The following ADGRA3 variants were observed in gnomAD, a reference collection of about 807,000 sequenced individuals.
The protein encoded by ADGRA3 is G-protein coupled receptor 125.
In ADGRA3, 56 loss-of-function variants were observed where a neutral mutation model predicts 119.8. The observed-to-expected ratio is 0.47, with a 90% CI of 0.38 to 0.58. The LOEUF is 0.58. Ranked by LOEUF, ADGRA3 falls within the 20% of genes least tolerant of loss-of-function variation. The probability of loss-of-function intolerance (pLI) is 0.00; values close to 1 mark genes in which losing one functional copy is unlikely to be tolerated. For synonymous variants in ADGRA3, 607 were observed against 623.8 expected, an observed-to-expected ratio of 0.97 and a Z score of 0.40; for missense variants, 1,516 against 1,649.0, an observed-to-expected ratio of 0.92 and a Z score of 1.40.
chr4:22,445,509 T>C (rs1433831144), intron 5 of ADGRA3, among the ~76,000 whole-genome samples: 1 of 152,160 alleles, frequency 6.6e-6, no homozygotes, highest in Non-Finnish European at 1.5e-5. Context: ...TAATATTGAA[T>C]CTTGAAGCCA....
chr4:22,418,788 A>T (rs1004077793), intron 12 of ADGRA3, among the ~76,000 whole-genome samples: 1 of 152,120 alleles, frequency 6.6e-6, no homozygotes, highest in South Asian at 2.1e-4. Context: ...AGGCTCCCAG[A>T]GGCCTCCTGT....
chr4:22,506,056 T>C (rs1041195619), intron 1 of ADGRA3, among the ~76,000 whole-genome samples: 4 of 152,104 alleles, frequency 2.6e-5, no homozygotes, highest in African/African-American at 9.7e-5. Context: ...GGCCAGCCCA[T>C]ACTGTATGCA....
intron 1 of ADGRA3, among the ~76,000 whole-genome samples, chr4:22,490,285 T>A (rs1225720078): frequency 6.6e-6 from 1 of 152,188 alleles, no homozygotes; most frequent in Non-Finnish European, 1.5e-5. Context: ...CCTTATCTTA[T>A]GAACACATTA....
Position 22,515,530 on chromosome 4 carries a change from G to A in ADGRA3, c.255C>T (p.Thr85=). The A allele has an allele frequency of 2.5e-6, 4 of 1,606,012 alleles. No individual in the cohort carries two copies. Among genetic ancestry groups the A allele is most frequent in the East Asian group, 2.3e-5 (1 of 43,826 alleles). ...PPDTLPNRTV[T]LILSNNKISE... Reference sequence around the variant, plus strand: ...CCAGCGTCGCGGGAGATACTCACAGGGTGACCGTGCGGTTGGGCAGAGTAT... The same window carrying A: ...CCAGCGTCGCGGGAGATACTCACAGAGTGACCGTGCGGTTGGGCAGAGTAT... Residue 85 remains threonine (T), a splice_region_variant and synonymous_variant, in exon 1 of 19, where the codon ACC becomes ACT. Transcript: ENST00000334304.
At chr4:22,496,346 T>A (rs1049453776) in intron 1 of ADGRA3, among the ~76,000 whole-genome samples, 1 of 152,170 alleles carries the variant, frequency 6.6e-6, no homozygotes, top group African/African-American at 2.4e-5. Flanking sequence ...TTAGGGATAA[T>A]CATAATGATC....
chr4:22,485,113 G>A (rs1048920750), intron 1 of ADGRA3, among the ~76,000 whole-genome samples: 9 of 151,526 alleles, frequency 5.9e-5, no homozygotes, highest in South Asian at 4.2e-4. Flanking sequence ...ACAGGGTCTC[G>A]CTCTGTCACC....
At chr4:22,413,873 A>C in intron 12 of ADGRA3, 59 bp from the exon 13 acceptor site, 1 of 1,119,776 alleles carries the variant, frequency 8.9e-7, no homozygotes. Context: ...AAACCAGAAA[A>C]AAATATGTCA....
In ADGRA3 at chr4:22,387,877, G is replaced by A. The variant is rs564104204; in HGVS notation, c.3794C>T (p.Ala1265Val). 1.2e-5 allele frequency: 20 copies of A among 1,614,064 alleles called. No individual in the cohort carries two copies. The African/African-American group carries it at 1.3e-4, about 11-fold the overall frequency. The stretch of plus-strand genomic sequence containing the variant: ...TTCAACCACAGCTGGCTTCCTTAAC[G>A]CATCTTTTTTACTAGTGGTTGAAAC... ...KPVSTTSKKD[A>V]LRKPAVVELE... Residue 1265 changes from alanine to valine, a missense_variant, in exon 19 of 19, where the codon GCG (alanine) becomes GTG (valine). Physicochemically the swap from Ala to Val is moderately conservative, Grantham distance 64 (BLOSUM62 0). Transcript: ENST00000334304.
chr4:22,408,894 T>G (rs1368313461), intron 14 of ADGRA3, among the ~76,000 whole-genome samples: 1 of 152,150 alleles, frequency 6.6e-6, no homozygotes, highest in East Asian at 1.9e-4. Flanking sequence ...TGAACAAACT[T>G]TGGCATATTG....
chr4:22,436,664 A>G, intron 8 of ADGRA3, 23 bp from the exon 9 acceptor site: 4 of 1,598,374 alleles, frequency 2.5e-6, no homozygotes, highest in Non-Finnish European at 3.4e-6. Flanking sequence ...ACAAAATAGT[A>G]CAAGAAAATC....
Position 22,413,590 on chromosome 4 carries a change from C to T in ADGRA3, c.2023+11G>A. 6.2e-7 allele frequency: 1 copy of T among 1,608,640 alleles called. No individual in the cohort carries two copies. Reference sequence around the variant, plus strand: ...CCACTGACTACAGGATAACATATGCCACATACAAACCTATTTTGGTGAGAA... The same window carrying T: ...CCACTGACTACAGGATAACATATGCTACATACAAACCTATTTTGGTGAGAA... On this transcript the variant is annotated intron_variant, in intron 13 of 18. Coordinates refer to ENST00000334304, the MANE Select transcript of ADGRA3 (RefSeq NM_145290.4).
intron 14 of ADGRA3, among the ~76,000 whole-genome samples, chr4:22,409,729 T>C (rs910309225): frequency 5.9e-5 from 9 of 152,158 alleles, no homozygotes; most frequent in Non-Finnish European, 1.2e-4. Context: ...GAAATGTTGC[T>C]CTACAGAAAA....
chr4:22,505,981 G>T (rs1719222277), intron 1 of ADGRA3, among the ~76,000 whole-genome samples: 1 of 152,168 alleles, frequency 6.6e-6, no homozygotes, highest in South Asian at 2.1e-4. Context: ...TAGGAAACTA[G>T]GATACAAATT....
intron 1 of ADGRA3, among the ~76,000 whole-genome samples, chr4:22,480,948 G>A (rs1718241362): frequency 6.6e-6 from 1 of 152,138 alleles, no homozygotes. Flanking sequence ...GGCCAAGGAG[G>A]AGGATCGCTT....
At chr4:22,402,330 G>A (rs961284174) in intron 15 of ADGRA3, among the ~76,000 whole-genome samples, 2 of 152,066 alleles carry the variant, frequency 1.3e-5, no homozygotes, top group African/African-American at 4.8e-5. Flanking sequence ...GATACTTAGA[G>A]ACACCCCTTT....
intron 9 of ADGRA3, 89 bp from the exon 10 acceptor site, chr4:22,435,555 C>T: frequency 8.5e-7 from 1 of 1,179,816 alleles, no homozygotes; most frequent in South Asian, 1.9e-5. Context: ...CATTTCAAAA[C>T]AGCAACGAAT....
intron 17 of ADGRA3, among the ~76,000 whole-genome samples, chr4:22,391,897 T>C (rs1714148920): frequency 6.6e-6 from 1 of 151,922 alleles, no homozygotes; most frequent in East Asian, 1.9e-4. Context: ...AATTAATGGC[T>C]TCTTTCTTTA....
intron 1 of ADGRA3, among the ~76,000 whole-genome samples, chr4:22,483,784 G>A (rs750681806): frequency 2.6e-5 from 4 of 152,140 alleles, no homozygotes; most frequent in Non-Finnish European, 5.9e-5. Flanking sequence ...AAACAGTTGT[G>A]TAATAGAAGA....
At chr4:22,413,081 A>AT in intron 14 of ADGRA3, 101 bp downstream of exon 14, 1 of 878,144 alleles carries the variant, frequency 1.1e-6, no homozygotes, top group South Asian at 1.7e-5. Context: ...AAAGTAAAAA[A>AT]AAAAAAAAAA....
Sources: gnomAD v4.1 joint callset for allele counts (sites outside exome capture counted in the v4.1 genomes callset) on GRCh38, gnomAD v4.1.1 for gene constraint, MANE v1.5 for transcripts, NCBI Gene and HGNC (gene_info 2026-07-23, HGNC 2026-07-21) for gene names.